CSMD3: variants seen among roughly 807,000 people sequenced by gnomAD.
The protein encoded by CSMD3 is CUB and sushi domain-containing protein 3.
CSMD3 carries 177 observed loss-of-function variants against 435.2 expected under a neutral mutation model. That is an observed-to-expected ratio of 0.41 (90% CI 0.36 to 0.46). The LOEUF is 0.46. CSMD3 is among the 20% of genes least tolerant of loss of function. The pLI is 0.34. For missense variants in CSMD3, 4,265 were observed against 4,504.6 expected (o/e 0.95, Z 1.52); for synonymous variants, 1,656 against 1,520.5 (o/e 1.09, Z -2.07).
chr8:112,742,190 T>C (rs781775824), intron 13 of CSMD3, among the ~76,000 whole-genome samples: 6 of 152,106 alleles, frequency 3.9e-5, no homozygotes, highest in Non-Finnish European at 5.9e-5. Flanking sequence ...GAATCTGGAC[T>C]GCTAGTAATT....
At chr8:112,460,723 A>G (rs1239403164) in intron 32 of CSMD3, among the ~76,000 whole-genome samples, 2 of 152,194 alleles carry the variant, frequency 1.3e-5, no homozygotes, top group African/African-American at 4.8e-5. Context: ...TAAGCAGTAT[A>G]ATAGATGAAA....
rs1436286296 is a variant in CSMD3, at chr8:112,975,889, T to C, written c.1290A>G (p.Arg430=). 24 of 1,613,964 alleles carry C rather than the reference T, an allele frequency of 1.5e-5. No individual in the cohort carries two copies. The highest frequency in any genetic ancestry group is 1.9e-5 in the Non-Finnish European group (23 of 1,179,910). The change falls in exon 7 of 71, where the codon AGA becomes AGG. Residue 430 remains arginine, a synonymous_variant. Transcript: ENST00000297405. ...ADTQSTRRRP[R]HAEQIERTKE... is the part of the protein sequence containing the mutation. ...TAGTTCTTTCTATCTGTTCAGCATGTCTTGGTCTTCTCCTGGTACTTTGTG... is the reference window on the plus strand; with the variant it reads ...TAGTTCTTTCTATCTGTTCAGCATGCCTTGGTCTTCTCCTGGTACTTTGTG...
At chr8:113,009,684 A>T (rs983598569) in intron 6 of CSMD3, among the ~76,000 whole-genome samples, 6 of 151,848 alleles carry the variant, frequency 4.0e-5, no homozygotes, top group Admixed American at 2.6e-4. Context: ...CCAATGAAAT[A>T]AGGTTATGTT....
chr8:112,346,339 T>C (rs1286534240), intron 40 of CSMD3, 126 bp from the exon 41 acceptor site: 8 of 714,452 alleles, frequency 1.1e-5, no homozygotes, highest in South Asian at 8.9e-5. Context: ...TTGAATATTG[T>C]CTGTTCACTC....
At chr8:113,153,133 A>G (rs1352127289) in intron 4 of CSMD3, among the ~76,000 whole-genome samples, 2 of 103,354 alleles carry the variant, frequency 1.9e-5, no homozygotes, top group African/African-American at 5.3e-5. Flanking sequence ...AAGAGAAAGA[A>G]GGAAGGAAGG....
intron 20 of CSMD3, 46 bp from the exon 21 acceptor site, chr8:112,638,957 A>T (rs184439071): frequency 7.6e-7 from 1 of 1,310,630 alleles, no homozygotes; most frequent in Admixed American, 1.7e-5. Flanking sequence ...AGATCAGTAA[A>T]ACACAGAGAG....
intron 1 of CSMD3, among the ~76,000 whole-genome samples, chr8:113,367,657 G>A (rs192974033): frequency 4.1e-4 from 63 of 152,026 alleles, no homozygotes; most frequent in African/African-American, 1.1e-3. Flanking sequence ...CTCTTCTTGC[G>A]TCTGGCTTCC....
chr8:112,719,740 T>C, intron 13 of CSMD3, among the ~76,000 whole-genome samples: 1 of 152,138 alleles, frequency 6.6e-6, no homozygotes, highest in East Asian at 1.9e-4. Flanking sequence ...AAGGAATTAA[T>C]AATAATACAG....
intron 3 of CSMD3, among the ~76,000 whole-genome samples, chr8:113,226,029 G>A (rs1364152484): frequency 2.0e-5 from 3 of 151,278 alleles, no homozygotes; most frequent in Admixed American, 6.6e-5. Flanking sequence ...CTGCTGCCAC[G>A]TAAAGAAGGA....
chr8:113,077,954 T>C (rs2089412866), intron 5 of CSMD3, among the ~76,000 whole-genome samples: 1 of 152,154 alleles, frequency 6.6e-6, no homozygotes, highest in Non-Finnish European at 1.5e-5. Flanking sequence ...AATTAAATTT[T>C]AGAAATTAAA....
At chr8:113,244,517 T>C (rs1427965699) in intron 3 of CSMD3, among the ~76,000 whole-genome samples, 3 of 152,158 alleles carry the variant, frequency 2.0e-5, no homozygotes, top group African/African-American at 7.2e-5. Flanking sequence ...GGTTTCACCA[T>C]GTTAGTCAGG....
intron 6 of CSMD3, among the ~76,000 whole-genome samples, chr8:112,979,376 C>G (rs2130953615): frequency 6.6e-6 from 1 of 151,556 alleles, no homozygotes; most frequent in Admixed American, 6.6e-5. Flanking sequence ...ATTGCATTTA[C>G]CATTTTATTT....
chr8:113,130,310 G>A (rs933850686), intron 4 of CSMD3, among the ~76,000 whole-genome samples: 9 of 152,090 alleles, frequency 5.9e-5, no homozygotes, highest in Admixed American at 2.6e-4. Flanking sequence ...ATGTCATGTC[G>A]AATTGAGGGA....
At chr8:113,364,178 G>A (rs996073776) in intron 1 of CSMD3, among the ~76,000 whole-genome samples, 2 of 151,980 alleles carry the variant, frequency 1.3e-5, no homozygotes, top group East Asian at 3.9e-4. Context: ...ATCCTTACCA[G>A]AGTTGGCTTT....
chr8:113,156,968 G>GAC (rs2091947349), intron 4 of CSMD3, among the ~76,000 whole-genome samples: 1 of 151,752 alleles, frequency 6.6e-6, no homozygotes, highest in Non-Finnish European at 1.5e-5. Flanking sequence ...CAGAGACAGA[G>GAC]AGAGAGAGAT....
chr8:113,404,244 A>C (rs2094522574), intron 1 of CSMD3, among the ~76,000 whole-genome samples: 1 of 151,466 alleles, frequency 6.6e-6, no homozygotes, highest in African/African-American at 2.4e-5. Context: ...AATGAAATGC[A>C]TAATATGATA....
chr8:113,033,379 C>T (rs767878569), intron 5 of CSMD3, among the ~76,000 whole-genome samples: 8 of 151,580 alleles, frequency 5.3e-5, no homozygotes, highest in Non-Finnish European at 1.2e-4. Context: ...CATCAATATG[C>T]CCTGGATGTG....
rs371273251 is a variant in CSMD3 at position 112,277,733 on chromosome 8, G to A, written c.9508+3441C>T. Among the ~76,000 whole-genome samples the A allele has an allele frequency of 2.1e-4, 32 of 152,240 alleles. No homozygotes were observed. In the South Asian group the frequency reaches 6.7e-3, roughly 32 times the overall value. ...CTCACAGTTCCAAGTGGCTGGGGAG[G>A]CCTCACAATTATAGCAGAAGGAGAA... On this transcript the variant is annotated intron_variant, in intron 59 of 70. Transcript: ENST00000297405.
intron 63 of CSMD3, among the ~76,000 whole-genome samples, chr8:112,248,888 C>T (rs1815011994): frequency 6.6e-6 from 1 of 152,046 alleles, no homozygotes; most frequent in East Asian, 1.9e-4. Flanking sequence ...CCTGGATGCC[C>T]CATTTTCTCT....
Sources: allele counts gnomAD v4.1 joint callset (sites outside exome capture counted in the v4.1 genomes callset), GRCh38; gene constraint gnomAD v4.1.1; transcripts MANE v1.5; gene names NCBI Gene and HGNC (gene_info 2026-07-23, HGNC 2026-07-21).